Variants in FNDC1 observed in about 807,000 individuals in gnomAD.
The protein encoded by FNDC1 is fibronectin type III domain-containing protein 1.
A neutral mutation model predicts 168.0 loss-of-function variants in FNDC1; 96 were observed. The ratio of observed to expected loss-of-function variants is 0.57; its 90% confidence interval spans 0.48 to 0.68. FNDC1 has a LOEUF of 0.68. Ranked by LOEUF, FNDC1 falls within the 30% of genes least tolerant of loss-of-function variation. FNDC1 has a pLI of 0.00. For missense variants in FNDC1, 2,587 were observed against 2,482.1 expected (o/e 1.04, Z -0.90); for synonymous variants, 1,099 against 1,025.9 (o/e 1.07, Z -1.36).
chr6:159,197,392 T>G, intron 1 of FNDC1, 39 bp from the exon 2 acceptor site: 1 of 1,544,898 alleles, frequency 6.5e-7, no homozygotes, highest in Non-Finnish European at 8.7e-7. Flanking sequence ...TTTCCCAATC[T>G]GTTATTGCCA....
At chr6:159,268,049 T>G (rs1777626981) in intron 22 of FNDC1, 123 bp downstream of exon 22, 1 of 986,616 alleles carries the variant, frequency 1.0e-6, no homozygotes, top group Admixed American at 2.7e-5. Context: ...TGGGAGCACT[T>G]AAGGTCATAA....
chr6:159,237,377 T>C (rs887226087), intron 12 of FNDC1, among the ~76,000 whole-genome samples: 1 of 152,158 alleles, frequency 6.6e-6, no homozygotes, highest in African/African-American at 2.4e-5. Flanking sequence ...GGCTGGGTGA[T>C]TTGAGTATCT....
Position 159,234,060 on chromosome 6 carries a change from A to T in FNDC1, c.3548A>T (p.Glu1183Val), listed in dbSNP as rs749946211. 2.5e-6 allele frequency: 4 copies of T among 1,612,546 alleles called. No homozygotes were observed. The highest frequency in any genetic ancestry group is 3.4e-6 in the Non-Finnish European group (4 of 1,179,432). The change falls in exon 11 of 23, where the codon GAG (glutamate) becomes GTG (valine). Residue 1183 changes from glutamate (E) to valine (V), a missense_variant. Physicochemically the swap from Glu to Val is moderately radical, Grantham distance 121. Transcript: ENST00000297267. ...QSVSAEDDEE[E>V]DAGFFKGGKE... The stretch of plus-strand genomic sequence containing the variant: ...GTCTCAGCCGAGGACGACGAGGAGG[A>T]GGACGCGGGATTTTTTAAAGGCGGG...
Position 159,172,770 on chromosome 6 carries a change from G to T in FNDC1, c.109+3065G>T, listed in dbSNP as rs546960245. On this transcript the variant is annotated intron_variant, in intron 1 of 22. Transcript: ENST00000297267. ...AGAATTGGCTACTTGATGAATTTTG[G>T]TGTAATATCAAAGATTTTTCAAAAT... is the stretch of plus-strand genomic sequence containing the variant. 1.6e-3 allele frequency among the ~76,000 whole-genome samples: 251 copies of T among 152,268 alleles called. 1 individual carries two copies. Among genetic ancestry groups the T allele is most frequent in the African/African-American group, 5.6e-3 (231 of 41,554 alleles).
chr6:159,171,093 G>T (rs1774150201), intron 1 of FNDC1, among the ~76,000 whole-genome samples: 1 of 152,062 alleles, frequency 6.6e-6, no homozygotes, highest in Non-Finnish European at 1.5e-5. Flanking sequence ...GCATGTGAGT[G>T]GGTCCGAGCG....
At position 159,265,022 on chromosome 6, in the gene FNDC1, AT is replaced by A. The variant is rs1777561523; in HGVS notation, c.5284+19del. ...GCCCCCAGGTAAGTTTATGTTCTTGATAATCTGGACATTCTGGTAATCAAGT... is the reference window on the plus strand; with the variant it reads ...GCCCCCAGGTAAGTTTATGTTCTTGAAATCTGGACATTCTGGTAATCAAGT... On this transcript the variant is annotated intron_variant, in intron 20 of 22. Transcript: ENST00000297267. 2 of 1,594,060 alleles carry A rather than the reference AT, an allele frequency of 1.3e-6. No homozygotes were observed. Among genetic ancestry groups the A allele is most frequent in the African/African-American group, 2.7e-5 (2 of 74,602 alleles).
intron 21 of FNDC1, among the ~76,000 whole-genome samples, chr6:159,267,109 T>A (rs910790703): frequency 1.3e-5 from 2 of 152,218 alleles, no homozygotes; most frequent in Non-Finnish European, 2.9e-5. Flanking sequence ...TGTTTTTCTT[T>A]TTCTTGTTAG....
chr6:159,257,983 C>G (rs1323616539), intron 18 of FNDC1, among the ~76,000 whole-genome samples: 1 of 146,708 alleles, frequency 6.8e-6, no homozygotes, highest in East Asian at 2.0e-4. Flanking sequence ...AGCCAAGAGG[C>G]CTTCCAGAGG....
At position 159,244,146 on chromosome 6, in the gene FNDC1, C is replaced by T. The variant is rs114292615; in HGVS notation, c.4622-2755C>T. ...GAACTGATAATGAGGAAAAGCAAGA[C>T]GACATTCCTAAAGGTTAAATTGACA... On this transcript the variant is annotated intron_variant, in intron 14 of 22. Coordinates refer to ENST00000297267, the MANE Select transcript of FNDC1 (RefSeq NM_032532.3). Among the ~76,000 whole-genome samples, 969 of 152,230 alleles carry T rather than the reference C, an allele frequency of 6.4e-3. 12 individuals are homozygous for T. Among genetic ancestry groups the T allele is most frequent in the African/African-American group, 0.022 (920 of 41,534 alleles).
intron 5 of FNDC1, among the ~76,000 whole-genome samples, chr6:159,220,031 A>G (rs1782787594): frequency 1.3e-5 from 2 of 152,168 alleles, no homozygotes; most frequent in Non-Finnish European, 2.9e-5. Flanking sequence ...CTTTTATAAA[A>G]CATTTTAAAA....
intron 17 of FNDC1, 29 bp from the exon 18 acceptor site, chr6:159,256,494 C>T (rs1777376278): frequency 2.0e-6 from 3 of 1,517,126 alleles, no homozygotes; most frequent in Non-Finnish European, 1.8e-6. Flanking sequence ...CCTTGGTGTC[C>T]ATTGGGTTTT....
At chr6:159,264,242 C>T (rs764337499) in intron 19 of FNDC1, among the ~76,000 whole-genome samples, 35 of 152,202 alleles carry the variant, frequency 2.3e-4, no homozygotes, top group Non-Finnish European at 4.9e-4. Flanking sequence ...TCCCAGGGTC[C>T]TTGTCTCTCT....
chr6:159,216,568 C>A (rs570012614), intron 5 of FNDC1, among the ~76,000 whole-genome samples: 34 of 152,306 alleles, frequency 2.2e-4, no homozygotes, highest in African/African-American at 7.0e-4. Flanking sequence ...GTGCCAAGAG[C>A]CGTCTCACCC....
intron 1 of FNDC1, among the ~76,000 whole-genome samples, chr6:159,195,007 G>A (rs1782214868): frequency 6.6e-6 from 1 of 152,090 alleles, no homozygotes; most frequent in African/African-American, 2.4e-5. Context: ...CAAGCGTTTT[G>A]TTTAACAGGT....
At chr6:159,264,952 A>G (rs769033878) in intron 19 of FNDC1, 23 bp from the exon 20 acceptor site, 4 of 1,590,636 alleles carry the variant, frequency 2.5e-6, no homozygotes, top group South Asian at 1.1e-5. Flanking sequence ...CACAGAGTCC[A>G]TTATTTCTTT....
chr6:159,225,888 GT>G (rs1466398381), intron 8 of FNDC1, among the ~76,000 whole-genome samples, 166 bp downstream of exon 8: 1 of 152,242 alleles, frequency 6.6e-6, no homozygotes, highest in Non-Finnish European at 1.5e-5. Context: ...ATGCAAAGAA[GT>G]TAAGGAACTG....
intron 9 of FNDC1, among the ~76,000 whole-genome samples, chr6:159,229,272 C>T (rs1289266489): frequency 2.6e-5 from 4 of 152,164 alleles, no homozygotes; most frequent in Non-Finnish European, 4.4e-5. Flanking sequence ...TGTGAAATAT[C>T]TTTATCAGGA....
intron 1 of FNDC1, among the ~76,000 whole-genome samples, chr6:159,192,841 G>T (rs1369491441): frequency 6.6e-6 from 1 of 152,134 alleles, no homozygotes; most frequent in African/African-American, 2.4e-5. Flanking sequence ...GAGCCTTCCG[G>T]TCTCTAGAGG....
rs558394017 is a variant in FNDC1, at chr6:159,194,296, T to C, written c.110-3135T>C. ...AAGTTTCCTCCCAATGTTCCTTCTATTGGACTCTTTGATTCCTGTTGAATT... is the reference window on the plus strand; with the variant it reads ...AAGTTTCCTCCCAATGTTCCTTCTACTGGACTCTTTGATTCCTGTTGAATT... On this transcript the variant is annotated intron_variant, in intron 1 of 22. Transcript: ENST00000297267. Among the ~76,000 whole-genome samples, 4 of 152,364 alleles carry C rather than the reference T, an allele frequency of 2.6e-5. No homozygotes were observed. In the East Asian group the frequency reaches 5.8e-4, roughly 22 times the overall value.
Sources: allele counts gnomAD v4.1 joint callset (sites outside exome capture counted in the v4.1 genomes callset), GRCh38; gene constraint gnomAD v4.1.1; transcripts MANE v1.5; gene names NCBI Gene and HGNC (gene_info 2026-07-23, HGNC 2026-07-21).